RBM20: variants seen among roughly 807,000 people sequenced by gnomAD.
RBM20 encodes RNA binding motif protein 20.
Under a neutral mutation model 110.1 loss-of-function variants are expected in RBM20, and 51 were observed. That is an observed-to-expected ratio of 0.46 (90% CI 0.37 to 0.59). The LOEUF is 0.59. Ranked by LOEUF, RBM20 falls within the 20% of genes least tolerant of loss-of-function variation. RBM20 has a pLI of 0.00. For missense variants in RBM20, 1,512 were observed against 1,574.9 expected (o/e 0.96, Z 0.68); for synonymous variants, 589 against 618.2 (o/e 0.95, Z 0.70).
chr10:110,730,918 C>G (rs766175547), intron 1 of RBM20, among the ~76,000 whole-genome samples: 1 of 152,222 alleles, frequency 6.6e-6, no homozygotes, highest in Non-Finnish European at 1.5e-5. Context: ...CAAGCCGCCC[C>G]CCATCCTGCT....
chr10:110,772,748 C>T (rs1844210116), intron 1 of RBM20, among the ~76,000 whole-genome samples: 1 of 152,202 alleles, frequency 6.6e-6, no homozygotes. Context: ...TTTAAAAGCA[C>T]TCCCAGGAGT....
chr10:110,830,897 A>C (rs1484528054), intron 12 of RBM20, among the ~76,000 whole-genome samples, 164 bp from the exon 13 acceptor site: 3 of 152,128 alleles, frequency 2.0e-5, no homozygotes, highest in African/African-American at 7.2e-5. Flanking sequence ...CTGTTCTGCA[A>C]GTGAGGAAAC....
intron 1 of RBM20, among the ~76,000 whole-genome samples, chr10:110,746,564 C>T (rs1113796): frequency 0.34 from 52,247 of 151,984 alleles, 9,917 homozygotes; most frequent in East Asian, 0.51. Flanking sequence ...ATTGCTCAGT[C>T]GACCCCGAGT....
intron 1 of RBM20, among the ~76,000 whole-genome samples, chr10:110,713,474 A>G (rs1328831987): frequency 6.6e-6 from 1 of 152,218 alleles, no homozygotes; most frequent in Non-Finnish European, 1.5e-5. Context: ...TCACTAGGGA[A>G]CAAAGATGAG....
chr10:110,788,823 G>A (rs1180133503), intron 5 of RBM20, among the ~76,000 whole-genome samples: 2 of 152,184 alleles, frequency 1.3e-5, no homozygotes, highest in Admixed American at 1.3e-4. Flanking sequence ...CAAAGATAAG[G>A]GGTGATTACT....
In RBM20 at chr10:110,784,280, C is replaced by A; in HGVS notation, c.1338-61C>A. The A allele has an allele frequency of 2.4e-6, 3 of 1,257,422 alleles. No homozygotes were observed. The South Asian group carries it at 3.9e-5, about 16-fold the overall frequency. The allele number at this position is 1,257,422 out of a possible 1,614,324, so 77.9% of individuals were successfully genotyped here. ...GCACCTACGAGTGGAATTTCTGGGT[C>A]ACATGCTAATTCTTTGTTTAACTTA... On this transcript the variant is annotated intron_variant, in intron 3 of 13. Transcript: ENST00000369519.
At chr10:110,803,512 T>C (rs1404182292) in intron 7 of RBM20, among the ~76,000 whole-genome samples, 1 of 152,168 alleles carries the variant, frequency 6.6e-6, no homozygotes, top group Non-Finnish European at 1.5e-5. Context: ...TGTTATTGCG[T>C]ATTTCTAACG....
rs1383106570 is a variant in RBM20 at position 110,838,452 on chromosome 10, G to T, written c.*2474G>T. On this transcript the variant is annotated 3_prime_UTR_variant, in exon 14 of 14. Transcript: ENST00000369519. ...CTCCTCCATTTCTCAGAAAACCTTT[G>T]ATCTTGTGTGTCTTTCTTCCTACTG... The T allele has an allele frequency of 1.3e-5, 2 of 152,174 alleles. No homozygotes were observed. The highest frequency in any genetic ancestry group is 4.8e-5 in the African/African-American group (2 of 41,446). 9.4% of individuals were successfully genotyped at this position (152,174 alleles called of 1,614,324 possible). A position where few individuals can be genotyped will look rare whatever the true frequency, so the allele number is the denominator to read the frequency against.
chr10:110,709,994 C>T (rs540396759), intron 1 of RBM20, among the ~76,000 whole-genome samples: 1 of 152,276 alleles, frequency 6.6e-6, no homozygotes. Flanking sequence ...GACATGTGCC[C>T]TCCTACACGT....
intron 1 of RBM20, among the ~76,000 whole-genome samples, chr10:110,684,109 T>C (rs1400188632): frequency 1.3e-5 from 2 of 152,210 alleles, no homozygotes; most frequent in African/African-American, 4.8e-5. Context: ...AGAATTGTCA[T>C]TTGGGATGGG....
At chr10:110,746,381 C>G (rs1288988573) in intron 1 of RBM20, among the ~76,000 whole-genome samples, 1 of 152,188 alleles carries the variant, frequency 6.6e-6, no homozygotes. Flanking sequence ...ATTTAATCCA[C>G]TGTAGAGTGG....
At chr10:110,665,268 T>C (rs1402915207) in intron 1 of RBM20, among the ~76,000 whole-genome samples, 1 of 152,156 alleles carries the variant, frequency 6.6e-6, no homozygotes, top group Non-Finnish European at 1.5e-5. Flanking sequence ...GTTTAGACAA[T>C]GTGGTTGTTA....
Position 110,727,412 on chromosome 10 carries a change from TAA to T in RBM20, c.192-53380_192-53379del, listed in dbSNP as rs753041080. 5.8e-5 allele frequency among the ~76,000 whole-genome samples: 4 copies of T among 68,966 alleles called. No homozygotes were observed. The East Asian group carries it at 5.3e-3, about 91-fold the overall frequency. 45.2% of individuals were successfully genotyped at this position (68,966 alleles called of 152,430 possible). ...AAAAGTCCGTCTCAAAAAATAAAAATAAAAAAAAAATAAATAAAAAGTCCATC... is the reference window on the plus strand; with the variant it reads ...AAAAGTCCGTCTCAAAAAATAAAAATAAAAAAAATAAATAAAAAGTCCATC... On this transcript the variant is annotated intron_variant, in intron 1 of 13. Coordinates refer to ENST00000369519, the MANE Select transcript of RBM20 (RefSeq NM_001134363.3).
intron 1 of RBM20, among the ~76,000 whole-genome samples, chr10:110,771,215 G>A (rs1844184121): frequency 6.6e-6 from 1 of 151,990 alleles, no homozygotes. Flanking sequence ...GGAGTGCAGT[G>A]GTGTGATCTC....
At chr10:110,709,568 T>C (rs1038144466) in intron 1 of RBM20, among the ~76,000 whole-genome samples, 8 of 151,772 alleles carry the variant, frequency 5.3e-5, no homozygotes, top group Admixed American at 5.2e-4. Context: ...ATTTCTTTTT[T>C]TTTTTTTTTT....
At position 110,676,736 on chromosome 10, in the gene RBM20, T is replaced by C. The variant is rs76851997; in HGVS notation, c.191+32091T>C. 4.8e-3 allele frequency among the ~76,000 whole-genome samples: 732 copies of C among 152,388 alleles called. 3 individuals are homozygous for C. The highest frequency in any genetic ancestry group is 0.017 in the African/African-American group (690 of 41,592). The stretch of plus-strand genomic sequence containing the variant: ...TGGTTGTGACAAACCTATTTGTTCT[T>C]GTCCCTGTATCGTTGATATAATCCA... On this transcript the variant is annotated intron_variant, in intron 1 of 13. Coordinates refer to ENST00000369519, the MANE Select transcript of RBM20 (RefSeq NM_001134363.3).
intron 5 of RBM20, among the ~76,000 whole-genome samples, chr10:110,793,839 A>C (rs1722446556): frequency 6.6e-6 from 1 of 152,278 alleles, no homozygotes; most frequent in African/African-American, 2.4e-5. Context: ...CCACATTACC[A>C]TATTGATAAA....
chr10:110,745,508 TTCTCTGGATTAAATTC>T (rs1419624610), intron 1 of RBM20, among the ~76,000 whole-genome samples: 4 of 152,192 alleles, frequency 2.6e-5, no homozygotes, highest in Admixed American at 2.6e-4. Context: ...GTTTGATAAA[TTCTCTGGATTAAATTC>T]TCCAAGGGAT....
intron 1 of RBM20, among the ~76,000 whole-genome samples, chr10:110,694,654 T>G (rs956094887): frequency 4.1e-4 from 63 of 152,256 alleles, no homozygotes; most frequent in South Asian, 2.1e-4. Flanking sequence ...CAGTTCTGCT[T>G]GAGGTGCAGA....
Sources: allele counts gnomAD v4.1 joint callset (sites outside exome capture counted in the v4.1 genomes callset), GRCh38; gene constraint gnomAD v4.1.1; transcripts MANE v1.5; gene names NCBI Gene and HGNC (gene_info 2026-07-23, HGNC 2026-07-21).